The following FAM72A variants were observed in gnomAD, a reference collection of about 807,000 sequenced individuals.
FAM72A encodes the protein regulator of UNG2 and MKLN1 interacting yippee protein 1, also known as protein FAM72A.
FAM72A carries 1 observed loss-of-function variant against 11.3 expected under a neutral mutation model. The ratio of observed to expected loss-of-function variants is 0.09; its 90% CI spans 0.03 to 0.42. The LOEUF (loss-of-function observed/expected upper bound fraction) is 0.42, where lower values mean the gene tolerates loss of function less well. FAM72A is among the 10% of genes least tolerant of loss of function. FAM72A has a pLI of 0.98. For missense variants in FAM72A, 15 were observed against 135.5 expected, an observed-to-expected ratio of 0.11 and a Z score of 4.41; for synonymous variants, 5 against 46.9, an observed-to-expected ratio of 0.11 and a Z score of 3.65.
chr1:206,198,375 AAAAG>A (rs1232534010), intron 2 of FAM72A, among the ~76,000 whole-genome samples: 3 of 151,560 alleles, frequency 2.0e-5, no homozygotes, highest in African/African-American at 7.3e-5. Context: ...AAAAAAAAAA[AAAAG>A]AAAGAAGAAA....
At chr1:206,187,731 A>C (rs1664602983) in intron 3 of FAM72A, among the ~76,000 whole-genome samples, 1 of 151,420 alleles carries the variant, frequency 6.6e-6, no homozygotes, top group Non-Finnish European at 1.5e-5. Flanking sequence ...CACATGGCTA[A>C]TTTTATTTTG....
chr1:206,191,724 ATT>A (rs1190560887), intron 3 of FAM72A, among the ~76,000 whole-genome samples: 4 of 103,678 alleles, frequency 3.9e-5, no homozygotes, highest in African/African-American at 9.3e-5. Context: ...CTAAAATATT[ATT>A]TTTTTTTTTT....
At chr1:206,193,264 C>G (rs1210271503) in intron 3 of FAM72A, among the ~76,000 whole-genome samples, 1 of 147,826 alleles carries the variant, frequency 6.8e-6, no homozygotes, top group African/African-American at 2.5e-5. Context: ...TGCAATGGTG[C>G]GATCTCGGCT....
intron 1 of FAM72A, among the ~76,000 whole-genome samples, chr1:206,200,246 C>G (rs1319338270): frequency 6.6e-6 from 1 of 151,110 alleles, no homozygotes; most frequent in Non-Finnish European, 1.5e-5. Context: ...GATATGTACC[C>G]AGAACTGCTG....
chr1:206,189,165 AG>A lies in FAM72A; in HGVS notation c.356-1793del, dbSNP rs563772812. Among the ~76,000 whole-genome samples the A allele has an allele frequency of 5.9e-3, 903 of 152,298 alleles. 15 individuals are homozygous for A. The highest frequency in any genetic ancestry group is 0.021 in the African/African-American group (868 of 41,538). On this transcript the variant is annotated intron_variant, in intron 3 of 3. Coordinates refer to ENST00000367128, the MANE Select transcript of FAM72A (RefSeq NM_001123168.3). ...CGCTCATTTATTTTTACTTCTGGAC[AG>A]TATTCCATTTTGTGAATTTTTAAAA...
rs1553297456 is a variant in FAM72A, at chr1:206,190,922, G to C, written c.356-3549C>G. 3.3e-5 allele frequency among the ~76,000 whole-genome samples: 5 copies of C among 150,468 alleles called. No homozygotes were observed. The South Asian group carries it at 1.1e-3, about 32-fold the overall frequency. On this transcript the variant is annotated intron_variant, in intron 3 of 3. Transcript: ENST00000367128. The stretch of plus-strand genomic sequence containing the variant: ...ATCAACTTGGTCTGTTGTGTAAATA[G>C]ATGTTAGACACGGAGAACATGTGTC...
intron 2 of FAM72A, among the ~76,000 whole-genome samples, chr1:206,198,356 T>A (rs1665180834): frequency 6.8e-6 from 1 of 146,704 alleles, no homozygotes; most frequent in African/African-American, 2.5e-5. Flanking sequence ...AGAGCAAAAC[T>A]CCGTCTTAAA....
upstream of FAM72A, chr1:206,204,133 C>T: frequency 2.0e-6 from 1 of 512,208 alleles, no homozygotes; most frequent in South Asian, 2.1e-5. Flanking sequence ...CCGGCCCGCC[C>T]CGATGGACTT....
chr1:206,190,357 AGATT>A (rs1553297375), intron 3 of FAM72A, among the ~76,000 whole-genome samples: 1 of 147,520 alleles, frequency 6.8e-6, no homozygotes, highest in African/African-American at 2.5e-5. Flanking sequence ...CATAAATGAT[AGATT>A]GAGAGCCACA....
intron 3 of FAM72A, among the ~76,000 whole-genome samples, chr1:206,191,700 A>G (rs1415836386): frequency 1.4e-5 from 2 of 141,924 alleles, no homozygotes; most frequent in East Asian, 2.0e-4. Context: ...AAGAATTGGT[A>G]GTGTACTTTC....
Position 206,187,328 on chromosome 1 carries a change from CTCTCT to C in FAM72A, c.396_400del (p.Glu133TyrfsTer3). The C allele has an allele frequency of 6.2e-7, 1 of 1,611,412 alleles. No individual in the cohort carries two copies. The highest frequency in any genetic ancestry group is 8.5e-7 in the Non-Finnish European group (1 of 1,179,618). ...GATATTTAACACATCTTCATCTGTA[CTCTCT>C]TCTATCTCTGGCAAGTTGCCCCAAA... On this transcript the variant is annotated frameshift_variant, in exon 4 of 4. Coordinates refer to ENST00000367128, the MANE Select transcript of FAM72A (RefSeq NM_001123168.3). LOFTEE classifies it high-confidence loss of function.
chr1:206,196,782 C>T (rs1174554345), intron 2 of FAM72A, among the ~76,000 whole-genome samples: 1 of 151,330 alleles, frequency 6.6e-6, no homozygotes, highest in African/African-American at 2.4e-5. Flanking sequence ...GTACCTCAGT[C>T]TTTCACAATT....
chr1:206,199,213 C>G (rs1167861752), intron 2 of FAM72A, among the ~76,000 whole-genome samples: 2 of 150,666 alleles, frequency 1.3e-5, no homozygotes, highest in Non-Finnish European at 2.9e-5. Context: ...GGCAACATAG[C>G]AAGACCCTAT....
intron 3 of FAM72A, among the ~76,000 whole-genome samples, chr1:206,194,285 T>C (rs1296155939): frequency 6.6e-6 from 1 of 152,256 alleles, no homozygotes; most frequent in Non-Finnish European, 1.5e-5. Context: ...CTTTAATGGA[T>C]GAAGAGTTGC....
At chr1:206,190,882 A>C (rs1553297441) in intron 3 of FAM72A, among the ~76,000 whole-genome samples, 2 of 151,462 alleles carry the variant, frequency 1.3e-5, no homozygotes, top group African/African-American at 4.9e-5. Context: ...AAAAAAAAAA[A>C]AAAAGTTCCT....
Position 206,195,778 on chromosome 1 carries a change from T to C in FAM72A, c.329A>G (p.Tyr110Cys), listed in dbSNP as rs1553298211. ...TGTGGAGTCTAGTCTGTTAATATCA[T>C]AAACTGCCTGGCTGTGAAACATCCA... is the stretch of plus-strand genomic sequence containing the variant. ...HFWMFHSQAVYDINRLDSTGV... is the reference protein window; with the variant it reads ...HFWMFHSQAVCDINRLDSTGV... The change falls in exon 3 of 4, where the codon TAT becomes TGT. Residue 110 changes from tyrosine to cysteine, a missense_variant. Tyr to Cys is a radical substitution (Grantham distance 194). Transcript: ENST00000367128. 1.2e-6 allele frequency: 2 copies of C among 1,610,844 alleles called. No homozygotes were observed. The highest frequency in any genetic ancestry group is 2.2e-5 in the South Asian group (2 of 90,918).
intron 2 of FAM72A, among the ~76,000 whole-genome samples, chr1:206,197,148 C>G (rs1553298424): frequency 6.6e-6 from 1 of 151,992 alleles, no homozygotes; most frequent in African/African-American, 2.4e-5. Flanking sequence ...TATATTCATT[C>G]ATTCATCCAT....
Position 206,187,326 on chromosome 1 carries a change from T to C in FAM72A, c.403A>G (p.Thr135Ala), listed in dbSNP as rs1553296991. 6.2e-7 allele frequency: 1 copy of C among 1,611,514 alleles called. No individual in the cohort carries two copies. Among genetic ancestry groups the C allele is most frequent in the Admixed American group, 1.7e-5 (1 of 59,958 alleles). ...WGNLPEIEESTDEDVLNISAE... is the reference protein window; with the variant it reads ...WGNLPEIEESADEDVLNISAE... ...GAGATATTTAACACATCTTCATCTG[T>C]ACTCTCTTCTATCTCTGGCAAGTTG... The change falls in exon 4 of 4, where the codon ACA becomes GCA. Residue 135 changes from threonine (T) to alanine (A), a missense_variant. Thr to Ala is a moderately conservative substitution (Grantham distance 58, BLOSUM62 0). This residue lies in a region of FAM72A where 10 missense variants were observed against 35.1 expected (regional missense o/e 0.29). Transcript: ENST00000367128.
chr1:206,197,280 C>T lies in FAM72A; in HGVS notation c.231-1404G>A, dbSNP rs565090761. ...TGTTCTCACGGAGCTAACAGTCTAGCGAGGCTACATCAGATCATTCTGCTC... is the reference window on the plus strand; with the variant it reads ...TGTTCTCACGGAGCTAACAGTCTAGTGAGGCTACATCAGATCATTCTGCTC... On this transcript the variant is annotated intron_variant, in intron 2 of 3. Transcript: ENST00000367128. Among the ~76,000 whole-genome samples, 902 of 152,220 alleles carry T rather than the reference C, an allele frequency of 5.9e-3. 9 individuals are homozygous for T. The highest frequency in any genetic ancestry group is 0.021 in the African/African-American group (865 of 41,516).
Sources: allele counts gnomAD v4.1 joint callset (sites outside exome capture counted in the v4.1 genomes callset), GRCh38; gene constraint gnomAD v4.1.1; regional missense constraint gnomAD v4.1.1; transcripts MANE v1.5; gene names NCBI Gene and HGNC (gene_info 2026-07-23, HGNC 2026-07-21).